ITGA9: variants seen among roughly 807,000 people sequenced by gnomAD.
ITGA9 encodes integrin alpha-9.
In ITGA9, 56 loss-of-function variants were observed where a neutral mutation model predicts 127.8. The observed-to-expected ratio is 0.44, with a 90% CI of 0.35 to 0.55. The LOEUF (loss-of-function observed/expected upper bound fraction) is 0.55, where lower values mean the gene tolerates loss of function less well. Among genes scored for constraint, ITGA9 ranks in the 20% least tolerant of loss-of-function variants. ITGA9 has a pLI of 0.00. For synonymous variants in ITGA9, 508 were observed against 514.5 expected, an observed-to-expected ratio of 0.99 and a Z score of 0.17; for missense variants, 1,196 against 1,347.1, an observed-to-expected ratio of 0.89 and a Z score of 1.76.
intron 27 of ITGA9, among the ~76,000 whole-genome samples, chr3:37,811,654 C>T (rs1265804416): frequency 6.6e-6 from 1 of 152,142 alleles, no homozygotes; most frequent in Non-Finnish European, 1.5e-5. Flanking sequence ...GGAGAGAGAC[C>T]ATATCCTCCC....
In ITGA9 at chr3:37,629,089, T is replaced by G; in HGVS notation, c.1690-98T>G. 2 of 1,379,346 alleles carry G rather than the reference T, an allele frequency of 1.4e-6. No homozygotes were observed. The highest frequency in any genetic ancestry group is 2.3e-5 in the East Asian group (1 of 43,672). The allele number at this position is 1,379,346 out of a possible 1,614,324, so 85.4% of individuals were successfully genotyped here. A position where few individuals can be genotyped will look rare whatever the true frequency, so the allele number is the denominator to read the frequency against. The stretch of plus-strand genomic sequence containing the variant: ...CACGAGGGTGATTGTGAGGATTATA[T>G]GAGGCAATTCATGTAGAAGGTCTTT... On this transcript the variant is annotated intron_variant, in intron 15 of 27. Coordinates refer to ENST00000264741, the MANE Select transcript of ITGA9 (RefSeq NM_002207.3). The surrounding 1 kb of genome is among the most constrained non-coding windows in gnomAD (Gnocchi z 4.5).
At chr3:37,493,751 C>T (rs761258875) in intron 4 of ITGA9, among the ~76,000 whole-genome samples, 4 of 152,132 alleles carry the variant, frequency 2.6e-5, no homozygotes, top group Non-Finnish European at 4.4e-5. Flanking sequence ...GATGAGGGAC[C>T]GGTGAAATGA....
At chr3:37,530,717 G>GTTTTTTTTTT (rs71094916) in intron 13 of ITGA9, among the ~76,000 whole-genome samples, 2 of 86,252 alleles carry the variant, frequency 2.3e-5, no homozygotes, top group African/African-American at 4.8e-5. Flanking sequence ...CAGCTACCAG[G>GTTTTTTTTTT]TTTTTTTTTT....
chr3:37,471,172 G>A (rs767541553), intron 2 of ITGA9, 38 bp downstream of exon 2: 2 of 1,611,428 alleles, frequency 1.2e-6, no homozygotes, highest in East Asian at 4.5e-5. Flanking sequence ...AATGGGTTCT[G>A]TACCCTTATA....
chr3:37,512,817 C>T (rs920212831), intron 8 of ITGA9, among the ~76,000 whole-genome samples: 5 of 152,098 alleles, frequency 3.3e-5, no homozygotes, highest in African/African-American at 9.7e-5. Context: ...CTCCACCACT[C>T]CCTATTGTTA....
chr3:37,600,205 G>A (rs1699904271), intron 15 of ITGA9, among the ~76,000 whole-genome samples: 1 of 152,134 alleles, frequency 6.6e-6, no homozygotes, highest in Admixed American at 6.5e-5. Context: ...AGCACTTATT[G>A]TATACGAGAC....
intron 8 of ITGA9, among the ~76,000 whole-genome samples, chr3:37,511,066 C>G (rs1698899912): frequency 6.6e-6 from 1 of 152,190 alleles, no homozygotes; most frequent in Admixed American, 6.5e-5. Context: ...TCCAGAGTCA[C>G]ATAGACAGGA....
chr3:37,510,030 T>TC (rs1482647785), intron 8 of ITGA9, among the ~76,000 whole-genome samples: 2 of 151,412 alleles, frequency 1.3e-5, no homozygotes, highest in African/African-American at 4.9e-5. Context: ...ATTCCTTTTT[T>TC]TTTTTTTTTT....
chr3:37,748,140 C>T (rs532387441), intron 22 of ITGA9: 97 of 489,748 alleles, frequency 2.0e-4, no homozygotes, highest in African/African-American at 1.6e-3. Context: ...AGAGGAAAGG[C>T]ACCTGATATA....
At chr3:37,781,846 T>A (rs1696978993) in intron 25 of ITGA9, among the ~76,000 whole-genome samples, 1 of 152,160 alleles carries the variant, frequency 6.6e-6, no homozygotes, top group African/African-American at 2.4e-5. Flanking sequence ...CATCAGGGGA[T>A]GTTTTTCCAT....
At position 37,755,930 on chromosome 3, in the gene ITGA9, G is replaced by A. The variant is rs532647312; in HGVS notation, c.2541+5361G>A. Among the ~76,000 whole-genome samples the A allele has an allele frequency of 4.7e-5, 7 of 150,170 alleles. No homozygotes were observed. The East Asian group carries it at 1.2e-3, about 25-fold the overall frequency. Reference sequence around the variant, plus strand: ...GGACATCCAAACCACTAAAGAAGAAGAATTTAAAACATAATTAAATTCAAA... The same window carrying A: ...GGACATCCAAACCACTAAAGAAGAAAAATTTAAAACATAATTAAATTCAAA... On this transcript the variant is annotated intron_variant, in intron 23 of 27. Coordinates refer to ENST00000264741, the MANE Select transcript of ITGA9 (RefSeq NM_002207.3).
At chr3:37,558,559 T>C (rs1559536291) in intron 15 of ITGA9, among the ~76,000 whole-genome samples, 1 of 152,220 alleles carries the variant, frequency 6.6e-6, no homozygotes, top group African/African-American at 2.4e-5. Context: ...TTTATGCCTG[T>C]TGTCCCAGCA....
At chr3:37,771,130 G>C (rs78181552) in intron 23 of ITGA9, among the ~76,000 whole-genome samples, 8 of 152,134 alleles carry the variant, frequency 5.3e-5, no homozygotes, top group Admixed American at 5.2e-4. Context: ...TTTGGACTCC[G>C]GTAGCCTGGG....
At position 37,504,738 on chromosome 3, in the gene ITGA9, G is replaced by A. The variant is rs748214829; in HGVS notation, c.743-1262G>A. ...CAGCTGCAGGGATTATCAAGGATCC[G>A]TTCAGGCTTTGATCTCACTCAGAAT... On this transcript the variant is annotated intron_variant, in intron 6 of 27. Coordinates refer to ENST00000264741, the MANE Select transcript of ITGA9 (RefSeq NM_002207.3). Among the ~76,000 whole-genome samples, 56 of 152,114 alleles carry A rather than the reference G, an allele frequency of 3.7e-4. 1 individual carries two copies. The highest frequency in any genetic ancestry group is 1.6e-4 in the Non-Finnish European group (11 of 68,026).
chr3:37,610,540 TA>T (rs1700006340), intron 15 of ITGA9, among the ~76,000 whole-genome samples: 1 of 152,208 alleles, frequency 6.6e-6, no homozygotes, highest in Admixed American at 6.5e-5. Context: ...TGGCAAACTC[TA>T]AGATGATACA....
At chr3:37,529,319 A>G (rs1054763923) in intron 13 of ITGA9, among the ~76,000 whole-genome samples, 2 of 152,134 alleles carry the variant, frequency 1.3e-5, no homozygotes, top group Admixed American at 6.5e-5. Context: ...AGGCAGGGTT[A>G]CTTGGTCAGG....
intron 26 of ITGA9, among the ~76,000 whole-genome samples, chr3:37,800,080 G>A (rs1002180487): frequency 3.3e-5 from 5 of 152,154 alleles, no homozygotes. Flanking sequence ...AAAATAATAA[G>A]AGATGAAGCC....
Position 37,533,538 on chromosome 3 carries a change from G to A in ITGA9, c.1528+70G>A. 4 of 1,524,436 alleles carry A rather than the reference G, an allele frequency of 2.6e-6. No individual in the cohort carries two copies. The South Asian group carries it at 3.5e-5, about 13-fold the overall frequency. 94.4% of individuals were successfully genotyped at this position (1,524,436 alleles called of 1,614,324 possible). ...AGTGGGCTAGTGGGATATTTCCGAT[G>A]TTCCCTGTCGCTGTTCCTCCCAGCT... is the stretch of plus-strand genomic sequence containing the variant. On this transcript the variant is annotated intron_variant, in intron 14 of 27. Transcript: ENST00000264741.
chr3:37,785,520 C>T, intron 26 of ITGA9, among the ~76,000 whole-genome samples: 1 of 152,116 alleles, frequency 6.6e-6, no homozygotes, highest in Non-Finnish European at 1.5e-5. Context: ...CTCACTCTGT[C>T]ACCCAGGCTG....
Sources: gnomAD v4.1 joint callset for allele counts (sites outside exome capture counted in the v4.1 genomes callset) on GRCh38, gnomAD v4.1.1 for gene constraint, Gnocchi (gnomAD v3.1) non-coding constraint, MANE v1.5 for transcripts, NCBI Gene and HGNC (gene_info 2026-07-23, HGNC 2026-07-21) for gene names.